PATL2: variants seen among roughly 807,000 people sequenced by gnomAD.
The protein encoded by PATL2 is protein PAT1 homolog 2.
A neutral mutation model predicts 77.0 loss-of-function variants in PATL2; 73 were observed. The observed-to-expected ratio is 0.95, with a 90% CI of 0.78 to 1.15. PATL2 has a LOEUF of 1.15. PATL2 is among the 50% of genes most tolerant of loss of function. The probability of loss-of-function intolerance (pLI) is 0.00; values close to 1 mark genes in which losing one functional copy is unlikely to be tolerated. For synonymous variants in PATL2, 265 were observed against 257.1 expected (o/e 1.03, Z -0.29); for missense variants, 618 against 655.4 (o/e 0.94, Z 0.62).
chr15:44,710,082 T>C lies in PATL2; in HGVS notation c.-76+14A>G, dbSNP rs1320523127. 6.6e-6 allele frequency among the ~76,000 whole-genome samples: 1 copy of C among 152,230 alleles called. No individual in the cohort carries two copies. The highest frequency in any genetic ancestry group is 1.5e-5 in the Non-Finnish European group (1 of 68,044). ...AATAATTATAGCGCTTATTAAACACTACAGAACACTTACTATGTACCAGGC... is the reference window on the plus strand; with the variant it reads ...AATAATTATAGCGCTTATTAAACACCACAGAACACTTACTATGTACCAGGC... On this transcript the variant is annotated intron_variant, in intron 3 of 17. Coordinates refer to ENST00000682850, the MANE Select transcript of PATL2 (RefSeq NM_001387263.1).
At chr15:44,698,423 A>AT in intron 3 of PATL2, among the ~76,000 whole-genome samples, 1 of 151,370 alleles carries the variant, frequency 6.6e-6, no homozygotes, top group Non-Finnish European at 1.5e-5. Flanking sequence ...GATAACCATT[A>AT]TTCTACTCTC....
At chr15:44,666,676 G>C (rs2085388295) in intron 16 of PATL2, 135 bp from the exon 17 acceptor site, 2 of 901,336 alleles carry the variant, frequency 2.2e-6, no homozygotes, top group South Asian at 3.7e-5. Flanking sequence ...GGTAACATTT[G>C]CATGTTTGGT....
chr15:44,667,194 A>T lies in PATL2; in HGVS notation c.1375T>A (p.Ser459Thr). Residue 459 changes from serine (S) to threonine (T), a missense_variant, in exon 16 of 18, where the codon TCT (serine) becomes ACT (threonine). Ser to Thr is a moderately conservative substitution (Grantham distance 58, BLOSUM62 1). Transcript: ENST00000682850. The part of the protein sequence containing the change: ...TVVLQNQFGI[S>T]LLYALLSHGE... Reference sequence around the variant, plus strand: ...TGGCTCAGCAGGGCATAGAGCAAAGATATTCCAAACTGCAAGGGACATATA... The same window carrying T: ...TGGCTCAGCAGGGCATAGAGCAAAGTTATTCCAAACTGCAAGGGACATATA... The T allele has an allele frequency of 6.4e-7, 1 of 1,551,498 alleles. No individual in the cohort carries two copies. The highest frequency in any genetic ancestry group is 8.7e-7 in the Non-Finnish European group (1 of 1,146,826).
chr15:44,665,863 T>A lies in PATL2; in HGVS notation c.*90A>T. On this transcript the variant is annotated 3_prime_UTR_variant, in exon 18 of 18. Transcript: ENST00000682850. ...ATATATAAAGGCATAAGAAATGTCT[T>A]CAGACTCTCTGGATCCCTGTAAACA... 6.5e-7 allele frequency: 1 copy of A among 1,549,360 alleles called. No homozygotes were observed.
chr15:44,692,339 A>G (rs1290590357), intron 3 of PATL2, among the ~76,000 whole-genome samples: 1 of 152,216 alleles, frequency 6.6e-6, no homozygotes, highest in African/African-American at 2.4e-5. Flanking sequence ...AGAAAAAATA[A>G]AGCTATGTGG....
Position 44,678,022 on chromosome 15 carries a change from A to T in PATL2, c.-75-1457T>A, listed in dbSNP as rs182799402. On this transcript the variant is annotated intron_variant, in intron 3 of 17. Coordinates refer to ENST00000682850, the MANE Select transcript of PATL2 (RefSeq NM_001387263.1). ...CCAGCTAATTTTTGTATATATATAT[A>T]TTTTTTTTCAGTAGAAACAGGGTTT... is the stretch of plus-strand genomic sequence containing the variant. 7.1e-3 allele frequency among the ~76,000 whole-genome samples: 1,068 copies of T among 151,244 alleles called. 22 individuals are homozygous for T. The highest frequency in any genetic ancestry group is 0.011 in the East Asian group (56 of 5,148).
At chr15:44,671,611 G>A (rs535938761) in intron 9 of PATL2, among the ~76,000 whole-genome samples, 3 of 152,230 alleles carry the variant, frequency 2.0e-5, no homozygotes, top group South Asian at 4.1e-4. Flanking sequence ...ATCTGCTGTC[G>A]TTCTTTCAAT....
chr15:44,700,655 T>C (rs1436081909), intron 3 of PATL2, among the ~76,000 whole-genome samples: 1 of 152,202 alleles, frequency 6.6e-6, no homozygotes, highest in Admixed American at 6.5e-5. Flanking sequence ...TCAGTTCTAA[T>C]AGTTTTTTGG....
At chr15:44,671,280 G>A (rs2085661786) in intron 9 of PATL2, among the ~76,000 whole-genome samples, 1 of 152,170 alleles carries the variant, frequency 6.6e-6, no homozygotes, top group Non-Finnish European at 1.5e-5. Context: ...CTTGAGGTCA[G>A]AAGTTCAAGA....
intron 3 of PATL2, among the ~76,000 whole-genome samples, chr15:44,692,747 G>A (rs1296375649): frequency 6.6e-6 from 1 of 152,268 alleles, no homozygotes; most frequent in Admixed American, 6.5e-5. Flanking sequence ...TTGGGGGCTG[G>A]AGGCCCCTCC....
intron 3 of PATL2, among the ~76,000 whole-genome samples, chr15:44,707,685 G>C (rs1002565570): frequency 2.6e-5 from 4 of 152,184 alleles, no homozygotes; most frequent in African/African-American, 9.7e-5. Flanking sequence ...GAGCTGCCCT[G>C]CCTGGGGTTG....
intron 5 of PATL2, among the ~76,000 whole-genome samples, chr15:44,674,599 GCT>G (rs1271888276): frequency 6.6e-6 from 1 of 151,966 alleles, no homozygotes; most frequent in Non-Finnish European, 1.5e-5. Context: ...TCAGGGTCTT[GCT>G]CTGTCACCCA....
intron 3 of PATL2, among the ~76,000 whole-genome samples, chr15:44,683,849 G>A (rs143525067): frequency 1.6e-3 from 246 of 152,192 alleles, no homozygotes; most frequent in African/African-American, 5.6e-3. Context: ...GGAGAGCTCC[G>A]GCTGGCATCT....
chr15:44,694,743 A>C (rs1339625352), intron 3 of PATL2, among the ~76,000 whole-genome samples: 1 of 152,194 alleles, frequency 6.6e-6, no homozygotes, highest in Non-Finnish European at 1.5e-5. Context: ...ACTTGAAGAA[A>C]CAAAAAGGGA....
intron 7 of PATL2, among the ~76,000 whole-genome samples, chr15:44,672,823 G>C (rs188096082): frequency 2.2e-4 from 33 of 152,268 alleles, no homozygotes; most frequent in African/African-American, 7.5e-4. Context: ...GCAGTGGCAT[G>C]GTCTCAGCTC....
At chr15:44,684,257 G>C (rs2086201991) in intron 3 of PATL2, among the ~76,000 whole-genome samples, 1 of 151,984 alleles carries the variant, frequency 6.6e-6, no homozygotes, top group South Asian at 2.1e-4. Flanking sequence ...TTGATGAATT[G>C]ACAGAAGAGG....
intron 3 of PATL2, among the ~76,000 whole-genome samples, chr15:44,705,380 C>T (rs372590509): frequency 1.1e-4 from 16 of 152,198 alleles, no homozygotes; most frequent in African/African-American, 2.4e-4. Flanking sequence ...CGGGGTTTCA[C>T]GATGTTGGCG....
chr15:44,683,773 T>A (rs1048980710), intron 3 of PATL2, among the ~76,000 whole-genome samples: 3 of 152,144 alleles, frequency 2.0e-5, no homozygotes, highest in Non-Finnish European at 4.4e-5. Flanking sequence ...CTCAAGTGTG[T>A]CCCTGACCCC....
At chr15:44,676,346 T>A in intron 4 of PATL2, 129 bp downstream of exon 4, 1 of 849,704 alleles carries the variant, frequency 1.2e-6, no homozygotes, top group African/African-American at 1.7e-5. Context: ...CATTATGATA[T>A]AATTAGCAAG....
Sources: allele counts gnomAD v4.1 joint callset (sites outside exome capture counted in the v4.1 genomes callset), GRCh38; gene constraint gnomAD v4.1.1; transcripts MANE v1.5; gene names NCBI Gene and HGNC (gene_info 2026-07-23, HGNC 2026-07-21).